DNAH8: variants seen among roughly 807,000 people sequenced by gnomAD.
The protein encoded by DNAH8 is axonemal beta dynein heavy chain 8.
DNAH8 carries 382 observed loss-of-function variants against 562.1 expected under a neutral mutation model. The observed-to-expected ratio is 0.68, with a 90% CI of 0.63 to 0.74. The LOEUF (loss-of-function observed/expected upper bound fraction) is 0.74, where lower values mean the gene tolerates loss of function less well. Ranked by LOEUF, DNAH8 falls within the 30% of genes least tolerant of loss-of-function variation. The probability of loss-of-function intolerance (pLI) is 0.00; values close to 1 mark genes in which losing one functional copy is unlikely to be tolerated. For synonymous variants in DNAH8, 1,881 were observed against 1,919.4 expected (o/e 0.98, Z 0.52); for missense variants, 5,203 against 5,620.4 (o/e 0.93, Z 2.37).
intron 26 of DNAH8, among the ~76,000 whole-genome samples, chr6:38,818,359 G>A (rs935517773): frequency 6.6e-6 from 1 of 151,634 alleles, no homozygotes; most frequent in East Asian, 1.9e-4. Flanking sequence ...AAATCTCCTT[G>A]GACTTATCAA....
intron 69 of DNAH8, 145 bp downstream of exon 69, chr6:38,917,551 G>A (rs1781401608): frequency 1.4e-6 from 1 of 713,786 alleles, no homozygotes; most frequent in Non-Finnish European, 2.3e-6. Context: ...CACCTAAAAT[G>A]TAAAGAGGGA....
rs1182083431 is a variant in DNAH8 at position 38,870,568 on chromosome 6, G to A, written c.6990+6G>A. On this transcript the variant is annotated splice_donor_region_variant and intron_variant, in intron 49 of 92. Transcript: ENST00000327475. ...GGAACCTGAAACTCGTGCAGGTAAA[G>A]ACATTTTAATCTATTATTAGTATAA... 1.9e-6 allele frequency: 3 copies of A among 1,611,440 alleles called. No individual in the cohort carries two copies. In the South Asian group the frequency reaches 3.3e-5, roughly 18 times the overall value.
intron 11 of DNAH8, among the ~76,000 whole-genome samples, chr6:38,762,153 A>AT (rs796996224): frequency 2.6e-5 from 4 of 152,304 alleles, no homozygotes; most frequent in African/African-American, 9.6e-5. Flanking sequence ...AGTAGTTGCC[A>AT]TCCTAATTTT....
intron 21 of DNAH8, among the ~76,000 whole-genome samples, chr6:38,792,106 A>G (rs1769812406): frequency 6.6e-6 from 1 of 151,228 alleles, no homozygotes. Flanking sequence ...TTTTTTTTTG[A>G]GAGGAAGTTT....
At chr6:38,804,430 T>C (rs1459610698) in intron 22 of DNAH8, among the ~76,000 whole-genome samples, 2 of 152,230 alleles carry the variant, frequency 1.3e-5, no homozygotes, top group Non-Finnish European at 2.9e-5. Flanking sequence ...TTGGAGGTTT[T>C]ACTTGTTAGT....
At chr6:38,914,476 C>T (rs375143177) in intron 67 of DNAH8, among the ~76,000 whole-genome samples, 1 of 134,820 alleles carries the variant, frequency 7.4e-6, no homozygotes, top group South Asian at 2.5e-4. Flanking sequence ...TCTCGGCTCA[C>T]TGCAACCTCC....
intron 13 of DNAH8, 140 bp from the exon 14 acceptor site, chr6:38,778,248 T>C: frequency 1.9e-6 from 1 of 531,576 alleles, no homozygotes. Flanking sequence ...TACTGGACGA[T>C]GCAGTTCTTG....
chr6:38,887,566 G>A (rs1583279544), intron 57 of DNAH8, among the ~76,000 whole-genome samples: 2 of 152,070 alleles, frequency 1.3e-5, no homozygotes, highest in South Asian at 2.1e-4. Context: ...CATTAGCTGG[G>A]CATGGTGGCA....
chr6:38,984,481 C>T (rs970915777), intron 87 of DNAH8, 174 bp downstream of exon 87: 1 of 564,774 alleles, frequency 1.8e-6, no homozygotes, highest in African/African-American at 2.0e-5. Flanking sequence ...CACACACACA[C>T]ACACACACAC....
chr6:38,723,966 T>TA (rs1407600784), intron 3 of DNAH8, among the ~76,000 whole-genome samples: 2 of 130,794 alleles, frequency 1.5e-5, no homozygotes, highest in Non-Finnish European at 1.7e-5. Context: ...TATTTCTTTT[T>TA]AAATTTAATT....
chr6:38,824,873 G>A (rs1773173461), intron 28 of DNAH8, among the ~76,000 whole-genome samples: 1 of 152,074 alleles, frequency 6.6e-6, no homozygotes, highest in African/African-American at 2.4e-5. Context: ...AGAATTACAA[G>A]TACTTAAGGG....
chr6:38,864,761 C>T (rs147627904), intron 45 of DNAH8, among the ~76,000 whole-genome samples: 1 of 152,304 alleles, frequency 6.6e-6, no homozygotes, highest in Non-Finnish European at 1.5e-5. Context: ...TATTCTCTCA[C>T]ATGTACACTG....
intron 86 of DNAH8, 104 bp from the exon 87 acceptor site, chr6:38,984,102 T>A (rs776672303): frequency 4.7e-6 from 3 of 636,740 alleles, no homozygotes; most frequent in East Asian, 5.5e-5. Flanking sequence ...GTGAGTCTAG[T>A]GAGTGCTTCC....
chr6:38,918,221 C>G (rs989484143), intron 70 of DNAH8, 81 bp downstream of exon 70: 3 of 1,032,910 alleles, frequency 2.9e-6, no homozygotes, highest in Non-Finnish European at 2.8e-6. Flanking sequence ...AAAGACAATG[C>G]GTAGTTTAGA....
At chr6:38,982,648 T>A (rs529101673) in intron 86 of DNAH8, among the ~76,000 whole-genome samples, 186 bp downstream of exon 86, 1 of 152,244 alleles carries the variant, frequency 6.6e-6, no homozygotes, top group African/African-American at 2.4e-5. Flanking sequence ...CTCACATACC[T>A]CTGAAGCTAA....
chr6:38,753,021 T>C (rs1474761333), intron 9 of DNAH8, among the ~76,000 whole-genome samples: 2 of 152,098 alleles, frequency 1.3e-5, no homozygotes, highest in African/African-American at 4.8e-5. Context: ...GGGGTATGGA[T>C]GCTGTCACCC....
At position 38,734,326 on chromosome 6, in the gene DNAH8, A is replaced by ACCG. The variant is rs1554195318; in HGVS notation, c.611-146_611-145insGCC. ...TGTAATTATTGGCATCTTCTAGTAG[A>ACCG]CCCCCCCCCAAAAAAATTATTCTAT... On this transcript the variant is annotated intron_variant, in intron 4 of 92. Transcript: ENST00000327475. 5 of 451,160 alleles carry ACCG rather than the reference A, an allele frequency of 1.1e-5. No homozygotes were observed. In the East Asian group the frequency reaches 3.7e-4, roughly 33 times the overall value. 27.9% of individuals were successfully genotyped at this position (451,160 alleles called of 1,614,324 possible).
At chr6:38,936,160 C>T (rs1237707736) in intron 77 of DNAH8, 4 of 152,246 alleles carry the variant, frequency 2.6e-5, no homozygotes, top group African/African-American at 9.7e-5. Flanking sequence ...AACAGCCTGG[C>T]CAACATGGTG....
chr6:38,908,085 A>C lies in DNAH8; in HGVS notation c.9478A>C (p.Arg3160=), dbSNP rs896410919. The C allele has an allele frequency of 1.9e-6, 3 of 1,599,660 alleles. No individual in the cohort carries two copies. Among genetic ancestry groups the C allele is most frequent in the African/African-American group, 1.3e-5 (1 of 74,412 alleles). ...GTATGAATACTTCATTTCAAGATCA[A>C]GGAAGAACTTACATGTTGTTCTCTG... ...NLYEYFISRS[R]KNLHVVLCFS... The change falls in exon 64 of 93, where the codon AGG becomes CGG. Residue 3160 remains arginine (R), a synonymous_variant. Coordinates refer to ENST00000327475, the MANE Select transcript of DNAH8 (RefSeq NM_001206927.2).
Sources: gnomAD v4.1 joint callset for allele counts (sites outside exome capture counted in the v4.1 genomes callset) on GRCh38, gnomAD v4.1.1 for gene constraint, MANE v1.5 for transcripts, NCBI Gene and HGNC (gene_info 2026-07-23, HGNC 2026-07-21) for gene names.